The following TMEM45A variants were observed in gnomAD, a reference collection of about 807,000 sequenced individuals.
TMEM45A encodes the protein DNA polymerase-transactivated protein 4.
In TMEM45A, 25 loss-of-function variants were observed where a neutral mutation model predicts 32.0. The ratio of observed to expected loss-of-function variants is 0.78; its 90% CI spans 0.57 to 1.09. The LOEUF is 1.09. TMEM45A is among the 50% of genes least tolerant of loss of function. The pLI is 0.00. For synonymous variants in TMEM45A, 122 were observed against 114.8 expected (o/e 1.06, Z -0.40); for missense variants, 302 against 325.0 (o/e 0.93, Z 0.54).
intron 1 of TMEM45A, among the ~76,000 whole-genome samples, chr3:100,523,757 T>C (rs1705485370): frequency 6.8e-6 from 1 of 146,628 alleles, no homozygotes; most frequent in African/African-American, 2.5e-5. Context: ...TCCTCCTCCT[T>C]CTCCTCCTCC....
chr3:100,497,648 G>T (rs58059387), intron 1 of TMEM45A, among the ~76,000 whole-genome samples: 86,029 of 152,092 alleles, frequency 0.57, 26,189 homozygotes, highest in African/African-American at 0.81. Flanking sequence ...ATAAGTGGAA[G>T]TATATAATAT....
intron 1 of TMEM45A, among the ~76,000 whole-genome samples, chr3:100,539,592 G>C (rs557016354): frequency 6.6e-6 from 1 of 152,072 alleles, no homozygotes; most frequent in African/African-American, 2.4e-5. Context: ...TAACTGGAAG[G>C]CCTGCTGGTA....
intron 1 of TMEM45A, among the ~76,000 whole-genome samples, chr3:100,536,634 C>T (rs564003011): frequency 6.6e-6 from 1 of 152,278 alleles, no homozygotes; most frequent in African/African-American, 2.4e-5. Flanking sequence ...TCTGAAGAAC[C>T]TTAGAGGCAC....
intron 1 of TMEM45A, among the ~76,000 whole-genome samples, chr3:100,520,541 G>C (rs115579371): frequency 0.023 from 3,449 of 152,178 alleles, 55 homozygotes; most frequent in Non-Finnish European, 0.035. Flanking sequence ...TGTTATCCAT[G>C]TGGCCTTATA....
At chr3:100,566,975 G>T (rs1055426286) in intron 4 of TMEM45A, among the ~76,000 whole-genome samples, 1 of 151,952 alleles carries the variant, frequency 6.6e-6, no homozygotes, top group Non-Finnish European at 1.5e-5. Flanking sequence ...AAGCACAAAA[G>T]TTAATTTTGA....
intron 4 of TMEM45A, among the ~76,000 whole-genome samples, chr3:100,567,872 C>A (rs1706475814): frequency 6.6e-6 from 1 of 152,154 alleles, no homozygotes; most frequent in Non-Finnish European, 1.5e-5. Context: ...GCAAGCTCCG[C>A]CTCCTGGGTT....
intron 3 of TMEM45A, among the ~76,000 whole-genome samples, 178 bp downstream of exon 3, chr3:100,557,150 T>G (rs1706238220): frequency 6.6e-6 from 1 of 152,252 alleles, no homozygotes; most frequent in Non-Finnish European, 1.5e-5. Context: ...CATGCTGTAC[T>G]GACTCATTTA....
intron 1 of TMEM45A, among the ~76,000 whole-genome samples, chr3:100,497,304 T>C (rs6789867): frequency 0.57 from 85,964 of 152,054 alleles, 26,164 homozygotes; most frequent in African/African-American, 0.81. Flanking sequence ...GGTACTCATA[T>C]GCATTACATG....
At chr3:100,559,778 C>G (rs1372234167) in intron 4 of TMEM45A, among the ~76,000 whole-genome samples, 1 of 151,344 alleles carries the variant, frequency 6.6e-6, no homozygotes, top group Non-Finnish European at 1.5e-5. Flanking sequence ...CTTGTGTGCT[C>G]CTGACACATA....
chr3:100,499,746 A>G (rs1286566509), intron 1 of TMEM45A, among the ~76,000 whole-genome samples: 3 of 152,126 alleles, frequency 2.0e-5, no homozygotes, highest in Non-Finnish European at 4.4e-5. Flanking sequence ...GTGTGGTGGC[A>G]TGTGCCTGTA....
At chr3:100,547,638 C>T (rs1269963782) in intron 1 of TMEM45A, among the ~76,000 whole-genome samples, 1 of 151,726 alleles carries the variant, frequency 6.6e-6, no homozygotes, top group African/African-American at 2.4e-5. Context: ...GTGGCAGAGG[C>T]AGAAGAAAAC....
In TMEM45A at chr3:100,559,476, G is replaced by T. The variant is rs569128809; in HGVS notation, c.588+887G>T. Among the ~76,000 whole-genome samples, 29 of 152,256 alleles carry T rather than the reference G, an allele frequency of 1.9e-4. No homozygotes were observed. The Middle Eastern group carries it at 0.01, about 54-fold the overall frequency. ...GCAATATTTAAGCATGTAAGAAAGC[G>T]GAAAGGCTGTTGGAGCAAAGGCTAG... On this transcript the variant is annotated intron_variant, in intron 4 of 5. Transcript: ENST00000323523.
intron 3 of TMEM45A, 129 bp from the exon 4 acceptor site, chr3:100,558,276 C>A: frequency 9.6e-7 from 1 of 1,036,890 alleles, no homozygotes; most frequent in Non-Finnish European, 1.4e-6. Context: ...CTGTGGGAAT[C>A]AGTGGGCGCC....
intron 1 of TMEM45A, among the ~76,000 whole-genome samples, chr3:100,509,199 T>C (rs1012626297): frequency 2.6e-5 from 4 of 152,290 alleles, no homozygotes; most frequent in Admixed American, 1.3e-4. Flanking sequence ...ATATCACTAA[T>C]CATTAAAGAA....
At chr3:100,569,176 C>T (rs779305816) in intron 5 of TMEM45A, among the ~76,000 whole-genome samples, 6 of 152,202 alleles carry the variant, frequency 3.9e-5, no homozygotes, top group Admixed American at 6.5e-5. Context: ...AACAGTGCCT[C>T]AGCTGTGCCT....
intron 1 of TMEM45A, among the ~76,000 whole-genome samples, chr3:100,513,428 C>T (rs1708203253): frequency 6.7e-6 from 1 of 150,254 alleles, no homozygotes; most frequent in South Asian, 2.1e-4. Flanking sequence ...TTCAACAACC[C>T]TTCATGCTAA....
At chr3:100,574,185 C>T (rs1706633036) in intron 5 of TMEM45A, 1 of 151,986 alleles carries the variant, frequency 6.6e-6, no homozygotes, top group South Asian at 2.1e-4. Context: ...TACAAAAAAC[C>T]TTTCAAAAAA....
chr3:100,512,319 C>A (rs1416942058), intron 1 of TMEM45A, among the ~76,000 whole-genome samples: 2 of 152,292 alleles, frequency 1.3e-5, no homozygotes, highest in African/African-American at 2.4e-5. Flanking sequence ...GATTAAGAAT[C>A]TCACTCAAAA....
intron 4 of TMEM45A, among the ~76,000 whole-genome samples, chr3:100,566,716 T>C (rs1252851887): frequency 1.3e-5 from 2 of 152,150 alleles, no homozygotes; most frequent in African/African-American, 4.8e-5. Context: ...TGGTATCTCA[T>C]TGTGGTTTTG....
Sources: gnomAD v4.1 joint callset for allele counts (sites outside exome capture counted in the v4.1 genomes callset) on GRCh38, gnomAD v4.1.1 for gene constraint, MANE v1.5 for transcripts, NCBI Gene and HGNC (gene_info 2026-07-23, HGNC 2026-07-21) for gene names.